PTPRJ: variants seen among roughly 807,000 people sequenced by gnomAD.
PTPRJ encodes the protein receptor-type tyrosine-protein phosphatase eta.
Under a neutral mutation model 141.3 loss-of-function variants are expected in PTPRJ, and 129 were observed. The observed-to-expected ratio is 0.91, with a 90% CI of 0.79 to 1.06. PTPRJ has a LOEUF of 1.06. Ranked by LOEUF, PTPRJ falls within the 50% of genes least tolerant of loss-of-function variation. PTPRJ has a pLI of 0.00. For synonymous variants in PTPRJ, 610 were observed against 640.5 expected (o/e 0.95, Z 0.72); for missense variants, 1,601 against 1,679.7 (o/e 0.95, Z 0.82).
At chr11:48,070,897 A>T (rs918035558) in intron 1 of PTPRJ, among the ~76,000 whole-genome samples, 1 of 152,234 alleles carries the variant, frequency 6.6e-6, no homozygotes, top group African/African-American at 2.4e-5. Context: ...TGTTTGGAGG[A>T]CAGAACTATT....
chr11:48,167,599 C>CA lies in PTPRJ; in HGVS notation c.*238dup. 1 of 366,378 alleles carries CA rather than the reference C, an allele frequency of 2.7e-6. No homozygotes were observed. Among genetic ancestry groups the CA allele is most frequent in the Non-Finnish European group, 4.8e-6 (1 of 209,608 alleles). 22.7% of individuals were successfully genotyped at this position (366,378 alleles called of 1,614,324 possible). Reference sequence around the variant, plus strand: ...TTCCTGATGACCAATGGGATGAGGTCACTTTTTTTTTTTTTCCCCCTTGAG... The same window carrying CA: ...TTCCTGATGACCAATGGGATGAGGTCAACTTTTTTTTTTTTTCCCCCTTGAG... On this transcript the variant is annotated 3_prime_UTR_variant, in exon 25 of 25. Coordinates refer to ENST00000418331, the MANE Select transcript of PTPRJ (RefSeq NM_002843.4).
At chr11:48,007,690 C>A (rs768554557) in intron 1 of PTPRJ, among the ~76,000 whole-genome samples, 2 of 152,204 alleles carry the variant, frequency 1.3e-5, no homozygotes, top group Non-Finnish European at 2.9e-5. Context: ...AGCCACTGCA[C>A]CCGGCTGAGG....
intron 1 of PTPRJ, among the ~76,000 whole-genome samples, chr11:48,033,442 G>C (rs1251748137): frequency 1.3e-5 from 2 of 152,166 alleles, no homozygotes; most frequent in Non-Finnish European, 2.9e-5. Flanking sequence ...GACGGGGTAA[G>C]ATCACCGTCA....
intron 10 of PTPRJ, 56 bp downstream of exon 10, chr11:48,137,337 A>G: frequency 6.4e-7 from 1 of 1,555,354 alleles, no homozygotes; most frequent in Non-Finnish European, 8.7e-7. Flanking sequence ...CTGACCTTGC[A>G]GGTCAGTCCT....
chr11:48,055,220 G>A (rs1854721988), intron 1 of PTPRJ, among the ~76,000 whole-genome samples: 1 of 152,050 alleles, frequency 6.6e-6, no homozygotes, highest in African/African-American at 2.4e-5. Flanking sequence ...CCCCTAGCAT[G>A]GTGCCTGGCA....
At chr11:48,163,408 T>C in intron 22 of PTPRJ, 50 bp from the exon 23 acceptor site, 2 of 1,541,766 alleles carry the variant, frequency 1.3e-6, no homozygotes, top group Non-Finnish European at 8.9e-7. Context: ...CTTTTTGATG[T>C]TGTTAGGCAG....
chr11:48,123,698 C>T lies in PTPRJ; in HGVS notation c.702C>T (p.Ala234=). The change falls in exon 5 of 25, where the codon GCC becomes GCT. Residue 234 remains alanine (A), a synonymous_variant. Transcript: ENST00000418331. ...ALSWSNGNGT[A]SCRVLLESIG... ...CCTGGAGCAATGGCAATGGCACTGC[C>T]TCCTGCCGGGTTCTTCTTGAAAGCA... 1 of 1,614,184 alleles carries T rather than the reference C, an allele frequency of 6.2e-7. No homozygotes were observed. Among genetic ancestry groups the T allele is most frequent in the South Asian group, 1.1e-5 (1 of 91,086 alleles).
At chr11:47,988,100 G>T (rs1355698858) in intron 1 of PTPRJ, among the ~76,000 whole-genome samples, 1 of 152,212 alleles carries the variant, frequency 6.6e-6, no homozygotes, top group East Asian at 1.9e-4. Flanking sequence ...CTGTGCCAGG[G>T]CGTAGCCCAG....
At chr11:48,052,223 G>A (rs904547714) in intron 1 of PTPRJ, among the ~76,000 whole-genome samples, 2 of 152,360 alleles carry the variant, frequency 1.3e-5, no homozygotes, top group Non-Finnish European at 2.9e-5. Context: ...AGCTCAGTGT[G>A]TATGTTTGGT....
At chr11:48,049,450 G>A (rs1246107197) in intron 1 of PTPRJ, among the ~76,000 whole-genome samples, 1 of 151,824 alleles carries the variant, frequency 6.6e-6, no homozygotes, top group Non-Finnish European at 1.5e-5. Context: ...GGCCAAGACG[G>A]GCAGATCACC....
At chr11:47,997,140 G>A (rs527607430) in intron 1 of PTPRJ, among the ~76,000 whole-genome samples, 1 of 152,276 alleles carries the variant, frequency 6.6e-6, no homozygotes, top group East Asian at 1.9e-4. Context: ...TGTGTGCCCC[G>A]TAGGATGTCC....
chr11:48,039,576 A>G (rs1854222566), intron 1 of PTPRJ, among the ~76,000 whole-genome samples: 1 of 150,508 alleles, frequency 6.6e-6, no homozygotes, highest in African/African-American at 2.4e-5. Flanking sequence ...TGACTTATTG[A>G]ATTGATCCTG....
At chr11:48,010,375 C>T (rs1439821959) in intron 1 of PTPRJ, among the ~76,000 whole-genome samples, 9 of 151,394 alleles carry the variant, frequency 5.9e-5, no homozygotes, top group Admixed American at 2.0e-4. Context: ...GATAGGGTTT[C>T]GCCATGTTGG....
chr11:48,024,135 G>T (rs192419203), intron 1 of PTPRJ, among the ~76,000 whole-genome samples: 22 of 151,826 alleles, frequency 1.4e-4, no homozygotes, highest in Admixed American at 6.6e-4. Flanking sequence ...AAGGTTCCAT[G>T]TTCTGCTCCC....
chr11:48,135,717 A>G (rs1250775085), intron 8 of PTPRJ, among the ~76,000 whole-genome samples: 2 of 152,080 alleles, frequency 1.3e-5, no homozygotes, highest in African/African-American at 4.8e-5. Flanking sequence ...TCTGACCTCA[A>G]GTGATCCATC....
intron 1 of PTPRJ, among the ~76,000 whole-genome samples, chr11:47,988,058 G>C (rs926796908): frequency 6.6e-5 from 10 of 152,246 alleles, no homozygotes; most frequent in Non-Finnish European, 1.2e-4. Flanking sequence ...TGCGTCTCCA[G>C]GGCAGGAGTT....
At chr11:47,983,807 G>GA (rs538800568) in intron 1 of PTPRJ, among the ~76,000 whole-genome samples, 38 of 146,994 alleles carry the variant, frequency 2.6e-4, no homozygotes, top group African/African-American at 7.0e-4. Flanking sequence ...AAGAATAAAT[G>GA]AAAAAAAAAA....
At chr11:48,055,700 G>C (rs747449238) in intron 1 of PTPRJ, among the ~76,000 whole-genome samples, 1 of 152,160 alleles carries the variant, frequency 6.6e-6, no homozygotes, top group Non-Finnish European at 1.5e-5. Context: ...GGGCTTCAGG[G>C]TCAGGTGAGG....
Position 48,163,450 on chromosome 11 carries a change from GC to G in PTPRJ, c.3559-7del. ...TGTCTGGATCTAAATCATTTTCTGG[GC>G]TTTTAGATCCAGACAAGTGAGAGTC... On this transcript the variant is annotated splice_polypyrimidine_tract_variant and splice_region_variant and intron_variant, in intron 22 of 24. Coordinates refer to ENST00000418331, the MANE Select transcript of PTPRJ (RefSeq NM_002843.4). The G allele has an allele frequency of 6.2e-7, 1 of 1,612,982 alleles. No individual in the cohort carries two copies. Among genetic ancestry groups the G allele is most frequent in the Non-Finnish European group, 8.5e-7 (1 of 1,179,346 alleles).
Sources: allele counts gnomAD v4.1 joint callset (sites outside exome capture counted in the v4.1 genomes callset), GRCh38; gene constraint gnomAD v4.1.1; transcripts MANE v1.5; gene names NCBI Gene and HGNC (gene_info 2026-07-23, HGNC 2026-07-21).